The following TET2 variants were observed in gnomAD, a reference collection of about 807,000 sequenced individuals.
TET2 encodes the protein methylcytosine dioxygenase TET2.
Under a neutral mutation model 142.9 loss-of-function variants are expected in TET2, and 299 were observed. That is an observed-to-expected ratio of 2.09 (90% CI 1.90 to 2.30). TET2 has a LOEUF of 2.30. Ranked by LOEUF, TET2 falls within the 30% of genes most tolerant of loss-of-function variation. The probability of loss-of-function intolerance (pLI) is 0.00; values close to 1 mark genes in which losing one functional copy is unlikely to be tolerated. For synonymous variants in TET2, 819 were observed against 849.0 expected (o/e 0.96, Z 0.61); for missense variants, 2,418 against 2,378.0 (o/e 1.02, Z -0.35).
At chr4:105,156,957 G>T (rs1324528994) in intron 1 of TET2, among the ~76,000 whole-genome samples, 1 of 152,046 alleles carries the variant, frequency 6.6e-6, no homozygotes, top group East Asian at 1.9e-4. Context: ...TTTTATATTT[G>T]CCATTGGCTG....
intron 1 of TET2, among the ~76,000 whole-genome samples, chr4:105,172,166 A>T (rs553049803): frequency 3.9e-5 from 6 of 151,984 alleles, no homozygotes; most frequent in Non-Finnish European, 8.8e-5. Flanking sequence ...AATACAGTTG[A>T]CCCTTGAATA....
intron 1 of TET2, among the ~76,000 whole-genome samples, chr4:105,167,457 A>T (rs1279181533): frequency 6.6e-6 from 1 of 152,136 alleles, no homozygotes; most frequent in East Asian, 1.9e-4. Context: ...ATATGTGTGT[A>T]TGTATGTATA....
intron 8 of TET2, among the ~76,000 whole-genome samples, chr4:105,268,896 C>A (rs1730817314): frequency 6.6e-6 from 1 of 152,128 alleles, no homozygotes. Context: ...TCGCTTGAAT[C>A]CAGGAGGCAG....
chr4:105,153,690 C>T (rs1034140462), intron 1 of TET2, among the ~76,000 whole-genome samples: 1 of 152,292 alleles, frequency 6.6e-6, no homozygotes, highest in African/African-American at 2.4e-5. Context: ...TAGGCTTAGC[C>T]AGCATTTGAG....
At position 105,276,838 on chromosome 4, in the gene TET2, TCC is replaced by T. The variant is rs59576487; in HGVS notation, c.*329_*330del. On this transcript the variant is annotated 3_prime_UTR_variant, in exon 11 of 11. Transcript: ENST00000380013. Reference sequence around the variant, plus strand: ...TGGACGAGATGATATGTAAATGTGATCCCCCCCCCCCGCTTACAACTCTACAC... The same window carrying T: ...TGGACGAGATGATATGTAAATGTGATCCCCCCCCCGCTTACAACTCTACAC... 6.5e-3 allele frequency: 1,006 copies of T among 155,298 alleles called. 85 individuals are homozygous for T. The highest frequency in any genetic ancestry group is 0.027 in the African/African-American group (680 of 25,080). The allele number at this position is 155,298 out of a possible 1,614,324, so 9.6% of individuals were successfully genotyped here. A position where few individuals can be genotyped will look rare whatever the true frequency, so the allele number is the denominator to read the frequency against.
intron 1 of TET2, among the ~76,000 whole-genome samples, chr4:105,154,019 AT>A (rs1423891014): frequency 6.6e-6 from 1 of 152,234 alleles, no homozygotes; most frequent in Admixed American, 6.5e-5. Context: ...ACATAGGTGA[AT>A]CTGAGAGGCA....
At position 105,236,187 on chromosome 4, in the gene TET2, C is replaced by T. The variant is rs1728882581; in HGVS notation, c.2245C>T (p.Gln749Ter). Residue 749 changes from glutamine to a stop codon, truncating the protein, a stop_gained, in exon 3 of 11, where the codon CAA (glutamine) becomes TAA (stop). Coordinates refer to ENST00000380013, the MANE Select transcript of TET2 (RefSeq NM_001127208.3). LOFTEE classifies it high-confidence loss of function. ...PQNQQQQQKL[Q>*]IKNKEEILQT... is the part of the protein sequence containing the mutation. Reference sequence around the variant, plus strand: ...AAACCAGCAACAGCAGCAAAAATTACAAATAAAGAATAAAGAGGAAATACT... The same window carrying T: ...AAACCAGCAACAGCAGCAAAAATTATAAATAAAGAATAAAGAGGAAATACT... The T allele has an allele frequency of 6.2e-7, 1 of 1,613,974 alleles. No individual in the cohort carries two copies. Among genetic ancestry groups the T allele is most frequent in the Non-Finnish European group, 8.5e-7 (1 of 1,179,970 alleles).
rs761016112 is a variant in TET2 at position 105,236,751 on chromosome 4, C to A, written c.2809C>A (p.His937Asn). 6.2e-7 allele frequency: 1 copy of A among 1,614,078 alleles called. No homozygotes were observed. The highest frequency in any genetic ancestry group is 8.5e-7 in the Non-Finnish European group (1 of 1,180,004). The change falls in exon 3 of 11, where the codon CAC becomes AAC. Residue 937 changes from histidine to asparagine, a missense_variant. Transcript: ENST00000380013. The stretch of plus-strand genomic sequence containing the variant: ...TCCTGTGCCTGACCAGGGAGGAAGT[C>A]ACACTCAGACCCCTCCCCAGAAGGA... ...VFPVPDQGGS[H>N]TQTPPQKDTQ...
intron 1 of TET2, among the ~76,000 whole-genome samples, chr4:105,188,220 AAT>A (rs1256039723): frequency 4.0e-4 from 61 of 152,212 alleles, no homozygotes; most frequent in African/African-American, 1.4e-3. Context: ...CATGCTAGAA[AAT>A]AAATGGATCT....
At chr4:105,264,419 A>G (rs1730592716) in intron 8 of TET2, among the ~76,000 whole-genome samples, 1 of 152,168 alleles carries the variant, frequency 6.6e-6, no homozygotes, top group Non-Finnish European at 1.5e-5. Context: ...TGAATTTTTA[A>G]TAGGTGCTGT....
At chr4:105,204,872 T>G (rs1726725065) in intron 2 of TET2, among the ~76,000 whole-genome samples, 1 of 152,194 alleles carries the variant, frequency 6.6e-6, no homozygotes, top group Admixed American at 6.5e-5. Flanking sequence ...ATTCACTAGA[T>G]TATTTTCCAA....
At chr4:105,255,156 T>C (rs1308672743) in intron 6 of TET2, among the ~76,000 whole-genome samples, 3 of 152,228 alleles carry the variant, frequency 2.0e-5, no homozygotes, top group African/African-American at 7.2e-5. Flanking sequence ...AGTTTGTGTT[T>C]TTCTAGAAGT....
At position 105,276,064 on chromosome 4, in the gene TET2, C is replaced by G. The variant is rs549395077; in HGVS notation, c.5554C>G (p.Gln1852Glu). The G allele has an allele frequency of 1.3e-6, 2 of 1,551,700 alleles. No homozygotes were observed. Among genetic ancestry groups the G allele is most frequent in the Non-Finnish European group, 1.7e-6 (2 of 1,146,972 alleles). Reference sequence around the variant, plus strand: ...CGATGAGGTCTGGTCAGACAGCGAGCAGAGCTTTCTGGATCCTGACATTGG... The same window carrying G: ...CGATGAGGTCTGGTCAGACAGCGAGGAGAGCTTTCTGGATCCTGACATTGG... ...DNDEVWSDSE[Q>E]SFLDPDIGGV... The change falls in exon 11 of 11, where the codon CAG (glutamine) becomes GAG (glutamate). Residue 1852 changes from glutamine (Q) to glutamate (E), a missense_variant. Physicochemically the swap from Gln to Glu is conservative, Grantham distance 29. Transcript: ENST00000380013.
Position 105,236,766 on chromosome 4 carries a change from C to A in TET2, c.2824C>A (p.Pro942Thr), listed in dbSNP as rs1578678517. ...DQGGSHTQTPPQKDTQKHAAL... is the reference protein window; with the variant it reads ...DQGGSHTQTPTQKDTQKHAAL... The stretch of plus-strand genomic sequence containing the variant: ...GGGAGGAAGTCACACTCAGACCCCT[C>A]CCCAGAAGGACACTCAAAAGCATGC... The change falls in exon 3 of 11, where the codon CCC becomes ACC. Residue 942 changes from proline (P) to threonine (T), a missense_variant. Transcript: ENST00000380013. The A allele has an allele frequency of 1.9e-6, 3 of 1,614,104 alleles. No individual in the cohort carries two copies. In the South Asian group the frequency reaches 3.3e-5, roughly 18 times the overall value.
chr4:105,265,941 A>G (rs977171762), intron 8 of TET2, among the ~76,000 whole-genome samples: 1 of 152,208 alleles, frequency 6.6e-6, no homozygotes, highest in African/African-American at 2.4e-5. Flanking sequence ...TTAAGGAGAC[A>G]AAGTTCAAAA....
Position 105,236,642 on chromosome 4 carries a change from A to C in TET2, c.2700A>C (p.Lys900Asn), listed in dbSNP as rs759813286. ...AAGCTTCAGTTCTACAGGGATATAA[A>C]AATAGAAACCAAGATATGTCTGGTC... Reference protein sequence around the residue: ...SQQASVLQGYKNRNQDMSGQQ... With the variant: ...SQQASVLQGYNNRNQDMSGQQ... Residue 900 changes from lysine to asparagine, a missense_variant, in exon 3 of 11, where the codon AAA becomes AAC. Transcript: ENST00000380013. 1 of 1,614,084 alleles carries C rather than the reference A, an allele frequency of 6.2e-7. No individual in the cohort carries two copies. Among genetic ancestry groups the C allele is most frequent in the South Asian group, 1.1e-5 (1 of 91,082 alleles).
intron 4 of TET2, chr4:105,241,783 A>G: frequency 8.0e-7 from 1 of 1,252,230 alleles, no homozygotes; most frequent in Non-Finnish European, 1.0e-6. Context: ...GTGTCAAAGC[A>G]GAAAGACTGG....
At chr4:105,165,904 G>C (rs1444025237) in intron 1 of TET2, among the ~76,000 whole-genome samples, 1 of 152,136 alleles carries the variant, frequency 6.6e-6, no homozygotes, top group African/African-American at 2.4e-5. Flanking sequence ...ATCAGTGTCA[G>C]ACCATACCTT....
chr4:105,259,602 G>GTCTT lies in TET2; in HGVS notation c.3804-15_3804-12dup. ...AATGCTATCCATAGCAATGAATTTG[G>GTCTT]TCTTTTGATTTTTCAGGAGAACTTG... On this transcript the variant is annotated splice_polypyrimidine_tract_variant and intron_variant, in intron 6 of 10. Coordinates refer to ENST00000380013, the MANE Select transcript of TET2 (RefSeq NM_001127208.3). 6.5e-7 allele frequency: 1 copy of GTCTT among 1,549,762 alleles called. No individual in the cohort carries two copies. The highest frequency in any genetic ancestry group is 2.0e-5 in the Admixed American group (1 of 50,892).
Sources: allele counts gnomAD v4.1 joint callset (sites outside exome capture counted in the v4.1 genomes callset), GRCh38; gene constraint gnomAD v4.1.1; transcripts MANE v1.5; gene names NCBI Gene and HGNC (gene_info 2026-07-23, HGNC 2026-07-21).